Variants in ERBB4 observed in about 807,000 individuals in gnomAD.
ERBB4 encodes the protein erb-b2 receptor tyrosine kinase 4.
Under a neutral mutation model 158.0 loss-of-function variants are expected in ERBB4, and 42 were observed. That is an observed-to-expected ratio of 0.27 (90% CI 0.21 to 0.34). ERBB4 has a LOEUF of 0.34. Among genes scored for constraint, ERBB4 ranks in the 10% least tolerant of loss-of-function variants. The pLI, the probability that ERBB4 is intolerant of heterozygous loss-of-function variation, is 1.00. For synonymous variants in ERBB4, 583 were observed against 558.7 expected, an observed-to-expected ratio of 1.04 and a Z score of -0.61; for missense variants, 1,333 against 1,624.1, an observed-to-expected ratio of 0.82 and a Z score of 3.08.
chr2:212,306,159 G>C (rs1038653869), intron 1 of ERBB4, among the ~76,000 whole-genome samples: 1 of 151,286 alleles, frequency 6.6e-6, no homozygotes, highest in Non-Finnish European at 1.5e-5. Flanking sequence ...ATATATAGTA[G>C]TATTCTGCTT....
chr2:211,689,070 G>A (rs1399125699), intron 12 of ERBB4, among the ~76,000 whole-genome samples: 3 of 151,856 alleles, frequency 2.0e-5, no homozygotes, highest in Non-Finnish European at 4.4e-5. Flanking sequence ...GCTTGGGAAT[G>A]GCTTATCAAC....
At chr2:211,621,574 G>A (rs1382720990) in intron 18 of ERBB4, among the ~76,000 whole-genome samples, 1 of 151,944 alleles carries the variant, frequency 6.6e-6, no homozygotes, top group East Asian at 1.9e-4. Flanking sequence ...TGCTTAAATG[G>A]GTAACATTTT....
intron 17 of ERBB4, among the ~76,000 whole-genome samples, chr2:211,629,248 A>G (rs1313533447): frequency 1.3e-5 from 2 of 152,166 alleles, no homozygotes; most frequent in African/African-American, 2.4e-5. Context: ...CTTATACACC[A>G]ATAACAGACA....
intron 3 of ERBB4, among the ~76,000 whole-genome samples, chr2:211,923,963 C>T (rs965095441): frequency 3.9e-5 from 6 of 152,078 alleles, no homozygotes; most frequent in African/African-American, 9.7e-5. Context: ...CTCACTTGAT[C>T]GACTCACCTC....
At chr2:212,065,411 A>C (rs2077913966) in intron 2 of ERBB4, among the ~76,000 whole-genome samples, 1 of 152,064 alleles carries the variant, frequency 6.6e-6, no homozygotes, top group South Asian at 2.1e-4. Context: ...AATGAAGATG[A>C]GTTTATTTCC....
intron 3 of ERBB4, among the ~76,000 whole-genome samples, chr2:211,922,620 A>ATATAACTGAGTAAACTG (rs1559107656): frequency 4.5e-4 from 69 of 152,274 alleles, no homozygotes; most frequent in African/African-American, 1.6e-3. Flanking sequence ...GAGTAAATTA[A>ATATAACTGAGTAAACTG]TACATTGTTA....
intron 25 of ERBB4, among the ~76,000 whole-genome samples, chr2:211,415,503 CAT>C (rs2063370082): frequency 6.6e-6 from 1 of 152,156 alleles, no homozygotes; most frequent in African/African-American, 2.4e-5. Context: ...CATAAGGAAA[CAT>C]AGCAAAATAT....
chr2:212,446,649 C>A (rs2092363841), intron 1 of ERBB4, among the ~76,000 whole-genome samples: 1 of 84,780 alleles, frequency 1.2e-5, no homozygotes, highest in African/African-American at 3.7e-5. Flanking sequence ...CCTATTAGTT[C>A]TGTCCCTCTA....
At chr2:211,928,271 C>A (rs1027681920) in intron 3 of ERBB4, among the ~76,000 whole-genome samples, 2 of 152,006 alleles carry the variant, frequency 1.3e-5, no homozygotes, top group African/African-American at 4.8e-5. Context: ...GAATTTCCCC[C>A]GAGAATAATC....
intron 20 of ERBB4, among the ~76,000 whole-genome samples, chr2:211,478,475 A>T (rs1034117304): frequency 1.3e-5 from 2 of 152,124 alleles, no homozygotes; most frequent in African/African-American, 2.4e-5. Flanking sequence ...TCTTCATAAC[A>T]TCCCTGTCTC....
chr2:211,861,439 G>A (rs567843073), intron 3 of ERBB4, among the ~76,000 whole-genome samples: 7 of 143,214 alleles, frequency 4.9e-5, no homozygotes, highest in African/African-American at 1.0e-4. Flanking sequence ...CAAGTCATCC[G>A]TCATCCTCCC....
chr2:212,381,340 G>A (rs910006310), intron 1 of ERBB4, among the ~76,000 whole-genome samples: 2 of 151,166 alleles, frequency 1.3e-5, no homozygotes, highest in African/African-American at 4.8e-5. Context: ...ACTCTGCGTT[G>A]GAAAGGTGCA....
intron 1 of ERBB4, among the ~76,000 whole-genome samples, chr2:212,229,000 C>T (rs926543399): frequency 6.6e-6 from 1 of 152,044 alleles, no homozygotes; most frequent in African/African-American, 2.4e-5. Flanking sequence ...TGACAAAATG[C>T]CCAAGGAAGA....
intron 3 of ERBB4, among the ~76,000 whole-genome samples, chr2:211,829,782 T>G (rs1476358951): frequency 6.6e-6 from 1 of 152,210 alleles, no homozygotes; most frequent in Non-Finnish European, 1.5e-5. Flanking sequence ...CACTTAGATT[T>G]GTGATTTGAA....
chr2:212,512,567 T>G (rs1691584825), intron 1 of ERBB4, among the ~76,000 whole-genome samples: 1 of 152,120 alleles, frequency 6.6e-6, no homozygotes, highest in South Asian at 2.1e-4. Flanking sequence ...CAAAGCCCAA[T>G]ACCTTTCTGA....
intron 1 of ERBB4, among the ~76,000 whole-genome samples, chr2:212,370,728 A>G (rs2090054541): frequency 1.3e-5 from 2 of 152,134 alleles, no homozygotes; most frequent in Non-Finnish European, 2.9e-5. Flanking sequence ...AAAGCCATTT[A>G]CCTTCTGTTT....
At chr2:212,458,473 A>G (rs1688413451) in intron 1 of ERBB4, among the ~76,000 whole-genome samples, 2 of 152,134 alleles carry the variant, frequency 1.3e-5, no homozygotes, top group Non-Finnish European at 1.5e-5. Flanking sequence ...GCAATAAGGA[A>G]TGAATCAGGC....
intron 20 of ERBB4, among the ~76,000 whole-genome samples, chr2:211,499,258 C>T (rs2065554861): frequency 6.6e-6 from 1 of 152,092 alleles, no homozygotes; most frequent in African/African-American, 2.4e-5. Flanking sequence ...GGTGCCGTGG[C>T]TCACGCTTGT....
At chr2:212,163,745 T>C (rs1008793570) in intron 1 of ERBB4, among the ~76,000 whole-genome samples, 4 of 152,028 alleles carry the variant, frequency 2.6e-5, no homozygotes, top group African/African-American at 9.7e-5. Flanking sequence ...CAGATCAGTA[T>C]TAATGCCATA....
Sources: allele counts gnomAD v4.1 joint callset (sites outside exome capture counted in the v4.1 genomes callset), GRCh38; gene constraint gnomAD v4.1.1; transcripts MANE v1.5; gene names NCBI Gene and HGNC (gene_info 2026-07-23, HGNC 2026-07-21).